CCDC197: variants seen among roughly 807,000 people sequenced by gnomAD.
The protein encoded by CCDC197 is uncharacterized protein CCDC197.
CCDC197 carries 24 observed loss-of-function variants against 13.4 expected under a neutral mutation model. The observed-to-expected ratio is 1.80, with a 90% CI of 1.30 to 2.53. The LOEUF is 2.53. CCDC197 is among the 30% of genes most tolerant of loss of function. CCDC197 has a pLI of 0.00. For missense variants in CCDC197, 255 were observed against 148.8 expected (o/e 1.71, Z -3.71); for synonymous variants, 99 against 55.5 (o/e 1.78, Z -3.48).
In CCDC197 at chr14:94,008,617, G is replaced by A. The variant is rs928591688; in HGVS notation, c.624G>A (p.Met208Ile). The A allele has an allele frequency of 2.8e-6, 2 of 701,816 alleles. No homozygotes were observed. Among genetic ancestry groups the A allele is most frequent in the Non-Finnish European group, 5.2e-6 (2 of 383,974 alleles). The allele number at this position is 701,816 out of a possible 1,614,324, so 43.5% of individuals were successfully genotyped here. A position where few individuals can be genotyped will look rare whatever the true frequency, so the allele number is the denominator to read the frequency against. Residue 208 changes from methionine to isoleucine, a missense_variant, in exon 7 of 7, where the codon ATG becomes ATA. Coordinates refer to ENST00000636493, the MANE Select transcript of CCDC197 (RefSeq NM_001351596.2). ...FSKLDLIKEF[M>I]LDKMETVRLI... ...TTTATTTTCCCTCCCAGGAGTTCAT[G>A]TTGGACAAAATGGAGACTGTAAGAC...
intron 1 of CCDC197, among the ~76,000 whole-genome samples, chr14:93,989,161 G>T (rs954237588): frequency 6.6e-6 from 1 of 152,060 alleles, no homozygotes; most frequent in South Asian, 2.1e-4. Flanking sequence ...TCATCCTCCA[G>T]CCAGAGTTAC....
At chr14:94,009,090 C>T (rs1329384134), downstream of CCDC197, among the ~76,000 whole-genome samples, 1 of 152,210 alleles carries the variant, frequency 6.6e-6, no homozygotes, top group East Asian at 1.9e-4. Flanking sequence ...AAGACTCCCT[C>T]CTGGGAGCCG....
upstream of CCDC197, among the ~76,000 whole-genome samples, chr14:93,995,770 C>T (rs995197930): frequency 2.0e-5 from 3 of 152,176 alleles, no homozygotes; most frequent in Non-Finnish European, 4.4e-5. Context: ...AGCCCCTGTC[C>T]TCTCTGGATT....
chr14:93,988,538 A>G (rs1384350771), intron 1 of CCDC197, among the ~76,000 whole-genome samples: 2 of 606 alleles, frequency 3.3e-3, no homozygotes, highest in Non-Finnish European at 2.6e-3. Context: ...GTGGGAGAGG[A>G]GATGGGAGAG....
chr14:94,002,498 G>A (rs907206138), intron 4 of CCDC197, among the ~76,000 whole-genome samples: 2 of 151,986 alleles, frequency 1.3e-5, no homozygotes, highest in Admixed American at 6.6e-5. Flanking sequence ...CCTGGCCAGG[G>A]GCATGTATTA....
upstream of CCDC197, among the ~76,000 whole-genome samples, chr14:93,993,067 C>T (rs1242202046): frequency 6.6e-6 from 1 of 152,128 alleles, no homozygotes; most frequent in African/African-American, 2.4e-5. Context: ...TCCCTTGCAC[C>T]CTCTCACCTC....
chr14:93,998,410 G>C (rs1890388521), intron 2 of CCDC197, among the ~76,000 whole-genome samples, 175 bp downstream of exon 2: 1 of 152,252 alleles, frequency 6.6e-6, no homozygotes, highest in African/African-American at 2.4e-5. Flanking sequence ...TGTGACGGGA[G>C]AGAGAAGAGG....
chr14:93,992,148 T>C (rs1324520223), intron 1 of CCDC197, among the ~76,000 whole-genome samples: 1 of 152,210 alleles, frequency 6.6e-6, no homozygotes, highest in African/African-American at 2.4e-5. Context: ...TGAACATCAC[T>C]GGTTTTGGCA....
At chr14:93,988,444 G>A (rs1330484382) in intron 1 of CCDC197, among the ~76,000 whole-genome samples, 1 of 75,372 alleles carries the variant, frequency 1.3e-5, no homozygotes, top group Admixed American at 1.4e-4. Context: ...GAGAGGATGG[G>A]AGGAGGAGAT....
At chr14:93,994,318 C>G (rs890164665), upstream of CCDC197, among the ~76,000 whole-genome samples, 2 of 152,168 alleles carry the variant, frequency 1.3e-5, no homozygotes, top group Non-Finnish European at 2.9e-5. Flanking sequence ...TGTAGCCAGC[C>G]CTGTTACCTT....
chr14:93,990,387 G>A (rs764528619), intron 1 of CCDC197, among the ~76,000 whole-genome samples: 8 of 152,060 alleles, frequency 5.3e-5, no homozygotes, highest in Non-Finnish European at 1.2e-4. Flanking sequence ...CTCGTTAGCC[G>A]TGTTCTCCTA....
At chr14:93,994,361 C>T (rs61980700), upstream of CCDC197, among the ~76,000 whole-genome samples, 6,462 of 152,284 alleles carry the variant, frequency 0.042, 202 homozygotes, top group African/African-American at 0.086. Context: ...CAAGTTACTT[C>T]GCCTCATAGA....
chr14:93,991,413 G>A lies in CCDC197; in HGVS notation c.-107+4017G>A, dbSNP rs1223382220. Among the ~76,000 whole-genome samples the A allele has an allele frequency of 3.9e-5, 6 of 152,154 alleles. No individual in the cohort carries two copies. In the East Asian group the frequency reaches 9.6e-4, roughly 24 times the overall value. ...GTTGTTGTCCCCCACTTACAGACGA[G>A]GACACAGAGGCTCAAAGAGATTGAG... On this transcript the variant is annotated intron_variant, in intron 1 of 7. Coordinates refer to the CCDC197 transcript ENST00000640978.
chr14:93,999,088 G>C (rs1039444588), intron 2 of CCDC197, among the ~76,000 whole-genome samples: 11 of 152,246 alleles, frequency 7.2e-5, no homozygotes, highest in Admixed American at 7.2e-4. Flanking sequence ...CCCTCTGGGG[G>C]CTGGTGGGGC....
downstream of CCDC197, among the ~76,000 whole-genome samples, chr14:94,010,731 G>GT (rs1370322933): frequency 6.6e-6 from 1 of 152,178 alleles, no homozygotes; most frequent in Non-Finnish European, 1.5e-5. Context: ...GGGGGACCAC[G>GT]TGGGGCCCCA....
At chr14:94,005,784 C>T (rs1890663434) in intron 6 of CCDC197, among the ~76,000 whole-genome samples, 1 of 152,166 alleles carries the variant, frequency 6.6e-6, no homozygotes. Flanking sequence ...TTTCATTTAG[C>T]ATAATGTTTT....
intron 6 of CCDC197, among the ~76,000 whole-genome samples, chr14:94,006,652 C>T (rs189258714): frequency 2.7e-5 from 4 of 150,920 alleles, no homozygotes; most frequent in Admixed American, 6.6e-5. Context: ...CCACTGTTCC[C>T]GGCCTATTTG....
chr14:94,002,832 A>G (rs902963191), intron 4 of CCDC197, among the ~76,000 whole-genome samples: 1 of 149,422 alleles, frequency 6.7e-6, no homozygotes, highest in Non-Finnish European at 1.5e-5. Context: ...CAGCCTGGGC[A>G]AAAAGAGTGA....
chr14:93,996,269 A>C (rs1452652308), upstream of CCDC197, among the ~76,000 whole-genome samples: 5 of 148,994 alleles, frequency 3.4e-5, no homozygotes, highest in Admixed American at 6.6e-5. Flanking sequence ...GTCGGTGCTC[A>C]GCACATAAGC....
Sources: gnomAD v4.1 joint callset for allele counts (sites outside exome capture counted in the v4.1 genomes callset) on GRCh38, gnomAD v4.1.1 for gene constraint, MANE v1.5 for transcripts, NCBI Gene and HGNC (gene_info 2026-07-23, HGNC 2026-07-21) for gene names.